The following SLC35E2B variants were observed in gnomAD, a reference collection of about 807,000 sequenced individuals.
SLC35E2B encodes the protein solute carrier family 35 member E2B, also known as solute carrier family 35, member E2B.
A neutral mutation model predicts 32.4 loss-of-function variants in SLC35E2B; 18 were observed. The observed-to-expected ratio is 0.56, with a 90% CI of 0.38 to 0.82. The LOEUF (loss-of-function observed/expected upper bound fraction) is 0.82, where lower values mean the gene tolerates loss of function less well. Among genes scored for constraint, SLC35E2B ranks in the 40% least tolerant of loss-of-function variants. The pLI is 0.00. For missense variants in SLC35E2B, 263 were observed against 469.5 expected (o/e 0.56, Z 4.06); for synonymous variants, 132 against 209.1 (o/e 0.63, Z 3.18).
chr1:1,670,162 G>A lies in SLC35E2B; in HGVS notation c.708-11C>T. Reference sequence around the variant, plus strand: ...AAAACATTTTGCAAACTAGAATAAAGAAAAGAGGTTATGCATCAATACTAG... The same window carrying A: ...AAAACATTTTGCAAACTAGAATAAAAAAAAGAGGTTATGCATCAATACTAG... On this transcript the variant is annotated splice_polypyrimidine_tract_variant and intron_variant, in intron 6 of 9. Transcript: ENST00000617444. The A allele has an allele frequency of 1.3e-6, 2 of 1,547,490 alleles. No individual in the cohort carries two copies. The highest frequency in any genetic ancestry group is 8.7e-7 in the Non-Finnish European group (1 of 1,143,040).
At chr1:1,678,657 A>T (rs369984800) in intron 2 of SLC35E2B, among the ~76,000 whole-genome samples, 2 of 152,230 alleles carry the variant, frequency 1.3e-5, no homozygotes, top group East Asian at 3.9e-4. Context: ...CCTCGGAATA[A>T]CAAAGGACTC....
At position 1,679,556 on chromosome 1, in the gene SLC35E2B, G is replaced by A. The variant is rs187475029; in HGVS notation, c.-147-2710C>T. 2.2e-4 allele frequency among the ~76,000 whole-genome samples: 33 copies of A among 152,172 alleles called. No individual in the cohort carries two copies. The East Asian group carries it at 3.1e-3, about 14-fold the overall frequency. On this transcript the variant is annotated intron_variant, in intron 2 of 9. Transcript: ENST00000617444. Reference sequence around the variant, plus strand: ...AACTTAAGGTTCTGGGCCAGGCGCCGTGGCTCACACCTGGAATCCCAGCAC... The same window carrying A: ...AACTTAAGGTTCTGGGCCAGGCGCCATGGCTCACACCTGGAATCCCAGCAC...
chr1:1,686,324 T>C (rs1214742723), intron 2 of SLC35E2B, among the ~76,000 whole-genome samples: 15 of 43,318 alleles, frequency 3.5e-4, no homozygotes, highest in African/African-American at 7.4e-4. Context: ...TTTTTTTCTT[T>C]TTTTTTTTTT....
chr1:1,665,567 G>A lies in SLC35E2B; in HGVS notation c.*215C>T, dbSNP rs1643520276. 5.7e-6 allele frequency: 4 copies of A among 701,882 alleles called. No homozygotes were observed. Among genetic ancestry groups the A allele is most frequent in the South Asian group, 2.0e-5 (1 of 50,470 alleles). The allele number at this position is 701,882 out of a possible 1,614,324, so 43.5% of individuals were successfully genotyped here. On this transcript the variant is annotated 3_prime_UTR_variant, in exon 10 of 10. Transcript: ENST00000617444. ...GGGATGGGCTCGGCGGACACAGTCA[G>A]CTACTGGTCTGGTCTCTACTCCAGG...
chr1:1,671,513 C>A lies in SLC35E2B; in HGVS notation c.703G>T (p.Asp235Tyr). Reference sequence around the variant, plus strand: ...CCCACCTTCTCTGTGACTCACCAGTCCATGATGTTGGTGGACAGTGCGGCC... The same window carrying A: ...CCCACCTTCTCTGTGACTCACCAGTACATGATGTTGGTGGACAGTGCGGCC... ...FSAALSTNIMDCLQNVFSKKL... is the reference protein window; with the variant it reads ...FSAALSTNIMYCLQNVFSKKL... The change falls in exon 6 of 10, where the codon GAC (aspartate) becomes TAC (tyrosine). Residue 235 changes from aspartate (D) to tyrosine (Y), a missense_variant. This residue lies in a region of SLC35E2B where 129 missense variants were observed against 164.5 expected (regional missense o/e 0.78). Coordinates refer to ENST00000617444, the MANE Select transcript of SLC35E2B (RefSeq NM_001290264.2). 6.5e-7 allele frequency: 1 copy of A among 1,533,794 alleles called. No homozygotes were observed. The highest frequency in any genetic ancestry group is 8.8e-7 in the Non-Finnish European group (1 of 1,137,892).
At chr1:1,674,914 T>TG (rs1389466291) in intron 5 of SLC35E2B, among the ~76,000 whole-genome samples, 16 of 152,204 alleles carry the variant, frequency 1.1e-4, no homozygotes, top group Admixed American at 9.2e-4. Flanking sequence ...GCAGCCACAC[T>TG]GGGTACGCGA....
Position 1,663,379 on chromosome 1 carries a change from T to C in SLC35E2B, c.*2403A>G, listed in dbSNP as rs1331204573. The C allele has an allele frequency of 1.0e-6, 1 of 956,926 alleles. No homozygotes were observed. Among genetic ancestry groups the C allele is most frequent in the Non-Finnish European group, 1.2e-6 (1 of 805,724 alleles). 59.3% of individuals were successfully genotyped at this position (956,926 alleles called of 1,614,324 possible). On this transcript the variant is annotated 3_prime_UTR_variant, in exon 10 of 10. Coordinates refer to ENST00000617444, the MANE Select transcript of SLC35E2B (RefSeq NM_001290264.2). ...ATCTTCAAAGAGGCCGGCAGCCACATTCTCGACGGGGAGGTGGACAAGGCC... is the reference window on the plus strand; with the variant it reads ...ATCTTCAAAGAGGCCGGCAGCCACACTCTCGACGGGGAGGTGGACAAGGCC...
At chr1:1,681,449 CA>C (rs1257245053) in intron 2 of SLC35E2B, among the ~76,000 whole-genome samples, 2 of 151,410 alleles carry the variant, frequency 1.3e-5, no homozygotes, top group Non-Finnish European at 2.9e-5. Flanking sequence ...CCTCGTGATC[CA>C]CCCACCTAGG....
intron 2 of SLC35E2B, among the ~76,000 whole-genome samples, chr1:1,677,184 T>C (rs1175608928): frequency 1.7e-5 from 2 of 116,076 alleles, no homozygotes; most frequent in African/African-American, 6.8e-5. Context: ...GCCGACATGA[T>C]ACCACTGCAC....
In SLC35E2B at chr1:1,667,028, C is replaced by T. The variant is rs191447998; in HGVS notation, c.981-1009G>A. ...GCTGAGGCAGGAGAATCACTTCAAC[C>T]CGGGAGGCGGAGGTTGCAGTGAGCC... On this transcript the variant is annotated intron_variant, in intron 9 of 9. Coordinates refer to ENST00000617444, the MANE Select transcript of SLC35E2B (RefSeq NM_001290264.2). Among the ~76,000 whole-genome samples the T allele has an allele frequency of 1.6e-3, 7 of 4,470 alleles. 3 individuals carry two copies. The highest frequency in any genetic ancestry group is 3.8e-3 in the Non-Finnish European group (5 of 1,326). 2.9% of individuals were successfully genotyped at this position (4,470 alleles called of 152,430 possible). A position where few individuals can be genotyped will look rare whatever the true frequency, so the allele number is the denominator to read the frequency against.
chr1:1,665,233 TG>T lies in SLC35E2B; in HGVS notation c.*548del. On this transcript the variant is annotated 3_prime_UTR_variant, in exon 10 of 10. Coordinates refer to ENST00000617444, the MANE Select transcript of SLC35E2B (RefSeq NM_001290264.2). ...GATAGTCTGAGGATGCCCACAGCCC[TG>T]GGTCAGGTGGGGAGAAGTTCTGAGT... 4.7e-6 allele frequency: 1 copy of T among 214,674 alleles called. No individual in the cohort carries two copies. Among genetic ancestry groups the T allele is most frequent in the South Asian group, 1.6e-4 (1 of 6,136 alleles). The allele number at this position is 214,674 out of a possible 1,614,324, so 13.3% of individuals were successfully genotyped here.
intron 2 of SLC35E2B, among the ~76,000 whole-genome samples, chr1:1,687,153 A>C (rs28366981): frequency 6.6e-6 from 1 of 151,868 alleles, no homozygotes; most frequent in African/African-American, 2.4e-5. Context: ...CCGAGCGCAC[A>C]GGCTTGAACG....
chr1:1,666,546 A>G (rs1643549880), intron 9 of SLC35E2B, among the ~76,000 whole-genome samples: 1 of 152,190 alleles, frequency 6.6e-6, no homozygotes. Flanking sequence ...TAAGTAAATT[A>G]CAGGTATCAT....
At chr1:1,671,850 A>G (rs1368362317) in intron 5 of SLC35E2B, 10 of 413,024 alleles carry the variant, frequency 2.4e-5, no homozygotes, top group Non-Finnish European at 4.3e-5. Context: ...TTCACTCTAC[A>G]TGAGATGCGT....
At chr1:1,683,341 G>A (rs1453085401) in intron 2 of SLC35E2B, among the ~76,000 whole-genome samples, 7 of 152,166 alleles carry the variant, frequency 4.6e-5, no homozygotes, top group African/African-American at 1.7e-4. Context: ...TGTGGGCCGT[G>A]CTTCTGACCG....
In SLC35E2B at chr1:1,671,563, A is replaced by C; in HGVS notation, c.653T>G (p.Ile218Ser). Residue 218 changes from isoleucine (I) to serine (S), a missense_variant, in exon 6 of 10, where the codon ATC becomes AGC. Ile to Ser is a moderately radical substitution (Grantham distance 142). This residue lies in a region of SLC35E2B where 129 missense variants were observed against 164.5 expected (regional missense o/e 0.78). Coordinates refer to ENST00000617444, the MANE Select transcript of SLC35E2B (RefSeq NM_001290264.2). ...CGAGAACCCCAGGACATTGAAGCTG[A>C]TCTCAGTGGCCGTGCACAGCGCCAG... is the stretch of plus-strand genomic sequence containing the variant. Reference protein sequence around the residue: ...GGLALCTATEISFNVLGFSAA... With the variant: ...GGLALCTATESSFNVLGFSAA... 1 of 1,549,480 alleles carries C rather than the reference A, an allele frequency of 6.5e-7. No individual in the cohort carries two copies. The highest frequency in any genetic ancestry group is 8.7e-7 in the Non-Finnish European group (1 of 1,146,078).
chr1:1,692,365 GGCACCCAGCACCCA>G (rs796926053), intron 1 of SLC35E2B, 70 bp downstream of exon 1: 1 of 989,218 alleles, frequency 1.0e-6, no homozygotes, highest in African/African-American at 1.8e-5. Context: ...CATCAGTACC[GGCACCCAGCACCCA>G]GCACCGAGCA....
chr1:1,672,649 C>CAACTG (rs1570321540), intron 5 of SLC35E2B: 1 of 152,250 alleles, frequency 6.6e-6, no homozygotes, highest in East Asian at 1.9e-4. Context: ...TATCCAGCAC[C>CAACTG]AGATTCCTAT....
chr1:1,669,630 A>C (rs1483458467), intron 8 of SLC35E2B, 34 bp downstream of exon 8: 1 of 1,496,648 alleles, frequency 6.7e-7, no homozygotes, highest in Non-Finnish European at 9.0e-7. Flanking sequence ...GCAGCCCGGC[A>C]AGTAAGGACG....
Sources: gnomAD v4.1 joint callset for allele counts (sites outside exome capture counted in the v4.1 genomes callset) on GRCh38, gnomAD v4.1.1 for gene constraint, gnomAD v4.1.1 regional missense constraint, MANE v1.5 for transcripts, NCBI Gene and HGNC (gene_info 2026-07-23, HGNC 2026-07-21) for gene names.